SAXO1: variants seen among roughly 807,000 people sequenced by gnomAD.
SAXO1 encodes stabilizer of axonemal microtubules 1.
A neutral mutation model predicts 17.5 loss-of-function variants in SAXO1; 21 were observed. The ratio of observed to expected loss-of-function variants is 1.20; its 90% confidence interval spans 0.85 to 1.72. SAXO1 has a LOEUF of 1.72. SAXO1 is among the 40% of genes most tolerant of loss of function. The pLI is 0.00. For synonymous variants in SAXO1, 274 were observed against 216.5 expected (o/e 1.27, Z -2.33); for missense variants, 843 against 596.0 (o/e 1.41, Z -4.32).
chr9:18,975,689 T>C lies in SAXO1; in HGVS notation c.39-24752A>G, dbSNP rs112564863. Among the ~76,000 whole-genome samples the C allele has an allele frequency of 2.1e-4, 32 of 152,326 alleles. 1 individual carries two copies. The highest frequency in any genetic ancestry group is 7.5e-4 in the African/African-American group (31 of 41,576). On this transcript the variant is annotated intron_variant, in intron 1 of 3. Coordinates refer to ENST00000380534, the MANE Select transcript of SAXO1 (RefSeq NM_153707.4). The stretch of plus-strand genomic sequence containing the variant: ...TGAGAGCGTACAAATTCATACACTA[T>C]GTAAATGAGACCATACAAAGTCAGA...
intron 2 of SAXO1, among the ~76,000 whole-genome samples, chr9:18,945,697 CCT>C (rs891187408): frequency 6.6e-6 from 1 of 152,152 alleles, no homozygotes; most frequent in African/African-American, 2.4e-5. Flanking sequence ...TCTCCTCTGC[CCT>C]CTGAGTCCCT....
At chr9:19,021,543 G>A (rs760041535) in intron 1 of SAXO1, among the ~76,000 whole-genome samples, 31 of 152,074 alleles carry the variant, frequency 2.0e-4, no homozygotes, top group African/African-American at 4.8e-4. Context: ...AAAAAACACC[G>A]CTATAGATGA....
At position 19,033,020 on chromosome 9, in the gene SAXO1, T is replaced by C. The variant is rs924271992; in HGVS notation, c.-112A>G. 1.0e-5 allele frequency: 12 copies of C among 1,142,994 alleles called. No individual in the cohort carries two copies. The highest frequency in any genetic ancestry group is 1.4e-5 in the Non-Finnish European group (12 of 840,322). 70.8% of individuals were successfully genotyped at this position (1,142,994 alleles called of 1,614,324 possible). A position where few individuals can be genotyped will look rare whatever the true frequency, so the allele number is the denominator to read the frequency against. ...GCCCAGGCTCGAGGGTCTTGGCAGG[T>C]GTTCTGTTTACTCGAAGGAAAATTT... On this transcript the variant is annotated 5_prime_UTR_variant, in exon 1 of 4. Coordinates refer to ENST00000380534, the MANE Select transcript of SAXO1 (RefSeq NM_153707.4).
intron 1 of SAXO1, chr9:19,028,213 A>T: frequency 9.8e-7 from 1 of 1,016,872 alleles, no homozygotes; most frequent in East Asian, 2.6e-5. Flanking sequence ...AACAAAACAA[A>T]AAAAATACAA....
Position 19,003,589 on chromosome 9 carries a change from A to G in SAXO1, c.38+29282T>C, listed in dbSNP as rs1206807711. On this transcript the variant is annotated intron_variant, in intron 1 of 3. Transcript: ENST00000380534. ...GAACAGAGGCCTCAGAAATAACACT[A>G]CACATCTACAACCATCTGGTCTTTG... Among the ~76,000 whole-genome samples, 5 of 152,186 alleles carry G rather than the reference A, an allele frequency of 3.3e-5. No homozygotes were observed. The South Asian group carries it at 8.3e-4, about 25-fold the overall frequency.
chr9:18,976,347 A>C (rs1322257247), intron 1 of SAXO1, among the ~76,000 whole-genome samples: 2 of 152,184 alleles, frequency 1.3e-5, no homozygotes, highest in African/African-American at 4.8e-5. Flanking sequence ...AAAATAGCAG[A>C]AAGATCAGGG....
rs544629861 is a variant in SAXO1, at chr9:18,934,241, G to A, written c.422-5186C>T. Reference sequence around the variant, plus strand: ...TTAATAAACATTTTTCATAAAATTTGGCAACTTTCAGCCATTAATCTATCA... The same window carrying A: ...TTAATAAACATTTTTCATAAAATTTAGCAACTTTCAGCCATTAATCTATCA... On this transcript the variant is annotated intron_variant, in intron 3 of 3. Transcript: ENST00000380534. 1.1e-4 allele frequency among the ~76,000 whole-genome samples: 17 copies of A among 152,008 alleles called. 1 individual carries two copies. The highest frequency in any genetic ancestry group is 2.5e-4 in the Non-Finnish European group (17 of 68,006).
chr9:19,033,258 C>T (rs1835847404), upstream of SAXO1: 2 of 266,488 alleles, frequency 7.5e-6, no homozygotes, highest in African/African-American at 4.4e-5. Context: ...TCTGTGATGT[C>T]GCCAGGGCCA....
At chr9:18,942,584 C>A (rs865796466) in intron 2 of SAXO1, among the ~76,000 whole-genome samples, 1 of 152,188 alleles carries the variant, frequency 6.6e-6, no homozygotes, top group African/African-American at 2.4e-5. Flanking sequence ...AACTGGAAAC[C>A]CTGACTCCTT....
chr9:18,969,639 G>T (rs542486139), intron 1 of SAXO1, among the ~76,000 whole-genome samples: 7 of 152,272 alleles, frequency 4.6e-5, no homozygotes, highest in African/African-American at 1.7e-4. Context: ...GTGAGAAAGG[G>T]GGTATCTTGT....
At chr9:19,034,020 G>A (rs745355875), upstream of SAXO1, among the ~76,000 whole-genome samples, 25 of 152,080 alleles carry the variant, frequency 1.6e-4, no homozygotes, top group Non-Finnish European at 3.4e-4. Context: ...CCTCTAGTCC[G>A]GGAATCTAGC....
intron 1 of SAXO1, among the ~76,000 whole-genome samples, chr9:18,957,022 G>T (rs1323304943): frequency 6.6e-6 from 1 of 152,168 alleles, no homozygotes; most frequent in Admixed American, 6.5e-5. Context: ...ACACAACATG[G>T]CTTGATGGAA....
intron 1 of SAXO1, among the ~76,000 whole-genome samples, chr9:19,003,045 T>C (rs1834341812): frequency 6.6e-6 from 1 of 152,134 alleles, no homozygotes; most frequent in Non-Finnish European, 1.5e-5. Flanking sequence ...TTCAGCAAAG[T>C]CTCAGGACAC....
intron 1 of SAXO1, chr9:19,028,018 G>A (rs1835578995): frequency 6.9e-6 from 11 of 1,605,540 alleles, no homozygotes; most frequent in Non-Finnish European, 1.7e-6. Flanking sequence ...TGTGTCTGTG[G>A]AGGCGGGTAT....
intron 1 of SAXO1, among the ~76,000 whole-genome samples, chr9:19,004,926 T>G (rs1484803879): frequency 6.6e-6 from 1 of 152,122 alleles, no homozygotes; most frequent in Non-Finnish European, 1.5e-5. Flanking sequence ...TTTGAACTAA[T>G]AAATGAACCC....
chr9:18,940,366 GGAA>G (rs1831502663), intron 3 of SAXO1, among the ~76,000 whole-genome samples: 1 of 152,204 alleles, frequency 6.6e-6, no homozygotes. Context: ...GAGTGTTAGA[GGAA>G]GAAGCTAAAG....
At chr9:18,935,059 C>T (rs2131680381) in intron 3 of SAXO1, among the ~76,000 whole-genome samples, 1 of 152,224 alleles carries the variant, frequency 6.6e-6, no homozygotes, top group East Asian at 1.9e-4. Context: ...TCCTGAGTGG[C>T]TGGGATTACA....
At chr9:19,015,809 T>C (rs1834951715) in intron 1 of SAXO1, among the ~76,000 whole-genome samples, 1 of 152,078 alleles carries the variant, frequency 6.6e-6, no homozygotes, top group African/African-American at 2.4e-5. Context: ...AACACACCTT[T>C]GTGTTTTTGA....
chr9:19,039,310 A>G (rs1836018970), intron 1 of SAXO1, among the ~76,000 whole-genome samples: 1 of 152,202 alleles, frequency 6.6e-6, no homozygotes, highest in Non-Finnish European at 1.5e-5. Flanking sequence ...GCGCTGTGGA[A>G]CAAAATAACG....
Sources: gnomAD v4.1 joint callset for allele counts (sites outside exome capture counted in the v4.1 genomes callset) on GRCh38, gnomAD v4.1.1 for gene constraint, MANE v1.5 for transcripts, NCBI Gene and HGNC (gene_info 2026-07-23, HGNC 2026-07-21) for gene names.